ZFHX3: variants seen among roughly 807,000 people sequenced by gnomAD.
The protein encoded by ZFHX3 is zinc finger homeobox protein 3.
Under a neutral mutation model 279.1 loss-of-function variants are expected in ZFHX3, and 42 were observed. The ratio of observed to expected loss-of-function variants is 0.15; its 90% CI spans 0.12 to 0.19. The LOEUF (loss-of-function observed/expected upper bound fraction) is 0.19, where lower values mean the gene tolerates loss of function less well. Among genes scored for constraint, ZFHX3 ranks in the 10% least tolerant of loss-of-function variants. The pLI is 1.00. For synonymous variants in ZFHX3, 2,293 were observed against 1,957.8 expected (o/e 1.17, Z -4.52); for missense variants, 4,981 against 4,754.0 (o/e 1.05, Z -1.40).
At chr16:73,852,028 G>A (rs1372493200) in intron 1 of ZFHX3, among the ~76,000 whole-genome samples, 1 of 152,150 alleles carries the variant, frequency 6.6e-6, no homozygotes, top group African/African-American at 2.4e-5. Flanking sequence ...ATTGCCCAAG[G>A]TTTCACTGGA....
At chr16:73,859,625 C>G (rs542103235) in intron 1 of ZFHX3, among the ~76,000 whole-genome samples, 1 of 152,176 alleles carries the variant, frequency 6.6e-6, no homozygotes, top group Non-Finnish European at 1.5e-5. Context: ...CAAGATAATA[C>G]CTGGGAATTA....
chr16:73,767,231 C>G (rs2053960239), intron 1 of ZFHX3, among the ~76,000 whole-genome samples: 1 of 152,146 alleles, frequency 6.6e-6, no homozygotes, highest in Non-Finnish European at 1.5e-5. Flanking sequence ...GCCACTGCGC[C>G]CAGCCTTTGC....
intron 1 of ZFHX3, among the ~76,000 whole-genome samples, chr16:73,715,013 T>C (rs571603695): frequency 3.6e-4 from 55 of 152,322 alleles, no homozygotes; most frequent in Admixed American, 2.9e-3. Context: ...GCTTCCTTTT[T>C]CTCTGCCCTC....
At chr16:73,352,559 A>C (rs530805241) in intron 3 of ZFHX3, among the ~76,000 whole-genome samples, 7 of 144,312 alleles carry the variant, frequency 4.9e-5, no homozygotes, top group Admixed American at 7.3e-5. Context: ...GACTCACTGC[A>C]ATCTCTGCCT....
At chr16:73,209,277 G>C (rs2011919778) in intron 5 of ZFHX3, among the ~76,000 whole-genome samples, 1 of 152,146 alleles carries the variant, frequency 6.6e-6, no homozygotes, top group South Asian at 2.1e-4. Flanking sequence ...ATTTAGGAGA[G>C]GAATAGCATT....
chr16:73,666,096 G>A lies in ZFHX3; in HGVS notation c.-1547+14084C>T, dbSNP rs933303985. Among the ~76,000 whole-genome samples, 58 of 151,962 alleles carry A rather than the reference G, an allele frequency of 3.8e-4. 2 individuals are homozygous for A. Among genetic ancestry groups the A allele is most frequent in the Non-Finnish European group, 5.0e-4 (34 of 68,020 alleles). On this transcript the variant is annotated intron_variant, in intron 2 of 17. Coordinates refer to the ZFHX3 transcript ENST00000641206. Reference sequence around the variant, plus strand: ...CTCCCAAAGTGCTGGGGTTACAGGCGTGAGCCACCGCACCCAGCTGCCTTT... The same window carrying A: ...CTCCCAAAGTGCTGGGGTTACAGGCATGAGCCACCGCACCCAGCTGCCTTT...
intron 2 of ZFHX3, among the ~76,000 whole-genome samples, chr16:73,574,723 C>T (rs1370530642): frequency 6.6e-6 from 1 of 152,164 alleles, no homozygotes; most frequent in South Asian, 2.1e-4. Context: ...GTCTGAGAGT[C>T]AAGGTCCTCG....
At chr16:73,732,614 T>C (rs1180831400) in intron 1 of ZFHX3, among the ~76,000 whole-genome samples, 1 of 152,262 alleles carries the variant, frequency 6.6e-6, no homozygotes, top group Non-Finnish European at 1.5e-5. Context: ...TAGCTTCTGC[T>C]ATGGTATTTG....
intron 2 of ZFHX3, among the ~76,000 whole-genome samples, chr16:73,461,325 T>C (rs1431799482): frequency 1.3e-5 from 2 of 152,224 alleles, no homozygotes; most frequent in African/African-American, 4.8e-5. Context: ...GATATGGGGT[T>C]TCAGGTATCT....
intron 1 of ZFHX3, among the ~76,000 whole-genome samples, chr16:73,790,675 G>A (rs1398514036): frequency 6.6e-6 from 1 of 152,210 alleles, no homozygotes; most frequent in Non-Finnish European, 1.5e-5. Context: ...CCTTATTCTG[G>A]TGATGGTTGC....
At chr16:73,134,653 C>T (rs971687121) in intron 6 of ZFHX3, 2 of 151,886 alleles carry the variant, frequency 1.3e-5, no homozygotes, top group Admixed American at 6.6e-5. Flanking sequence ...GTTCTTATTT[C>T]TCTATTTCTA....
chr16:73,437,065 C>T (rs577487774), intron 3 of ZFHX3, among the ~76,000 whole-genome samples: 1 of 152,276 alleles, frequency 6.6e-6, no homozygotes, highest in African/African-American at 2.4e-5. Context: ...AATCTGGAAG[C>T]TCTGATGTGT....
intron 2 of ZFHX3, among the ~76,000 whole-genome samples, chr16:73,627,700 C>T (rs571428738): frequency 3.2e-4 from 48 of 152,126 alleles, no homozygotes; most frequent in Non-Finnish European, 5.4e-4. Flanking sequence ...AGGTGGATCA[C>T]GAGGTCAGGA....
intron 2 of ZFHX3, among the ~76,000 whole-genome samples, chr16:73,613,443 T>C (rs1258478896): frequency 6.6e-6 from 1 of 151,810 alleles, no homozygotes; most frequent in Non-Finnish European, 1.5e-5. Context: ...TTTTGCTTTT[T>C]TTGTTTGTTT....
At chr16:73,292,260 G>A (rs1030259830) in intron 4 of ZFHX3, among the ~76,000 whole-genome samples, 3 of 152,136 alleles carry the variant, frequency 2.0e-5, no homozygotes, top group South Asian at 2.1e-4. Context: ...GTCCTTTACC[G>A]AGCACAGCAC....
chr16:72,804,492 A>G (rs1201580407), intron 7 of ZFHX3, among the ~76,000 whole-genome samples: 1 of 152,234 alleles, frequency 6.6e-6, no homozygotes. Context: ...AAGGAAATCC[A>G]TGTACTCAAG....
At chr16:73,891,028 C>G (rs923847225) in intron 1 of ZFHX3, among the ~76,000 whole-genome samples, 148 of 150,626 alleles carry the variant, frequency 9.8e-4, no homozygotes, top group Non-Finnish European at 1.7e-3. Context: ...CGCTCCCCCC[C>G]TCCACCTCAC....
intron 2 of ZFHX3, among the ~76,000 whole-genome samples, chr16:72,951,545 A>G (rs925814258): frequency 6.6e-6 from 1 of 152,194 alleles, no homozygotes; most frequent in Non-Finnish European, 1.5e-5. Context: ...GACAGGCATG[A>G]GCCACCGCGC....
At chr16:73,563,351 C>T (rs1422212004) in intron 2 of ZFHX3, among the ~76,000 whole-genome samples, 1 of 151,472 alleles carries the variant, frequency 6.6e-6, no homozygotes, top group Non-Finnish European at 1.5e-5. Flanking sequence ...CATTCTCCTG[C>T]CTCCACGCCA....
Sources: gnomAD v4.1 joint callset for allele counts (sites outside exome capture counted in the v4.1 genomes callset) on GRCh38, gnomAD v4.1.1 for gene constraint, MANE v1.5 for transcripts, NCBI Gene and HGNC (gene_info 2026-07-23, HGNC 2026-07-21) for gene names.